Variants in TLN2 observed in about 807,000 individuals in gnomAD.
The protein encoded by TLN2 is talin 2.
In TLN2, 118 loss-of-function variants were observed where a neutral mutation model predicts 294.7. The ratio of observed to expected loss-of-function variants is 0.40; its 90% confidence interval spans 0.34 to 0.47. The LOEUF is 0.47. Among genes scored for constraint, TLN2 ranks in the 20% least tolerant of loss-of-function variants. The pLI, the probability that TLN2 is intolerant of heterozygous loss-of-function variation, is 0.84. For missense variants in TLN2, 3,083 were observed against 3,282.2 expected (o/e 0.94, Z 1.48); for synonymous variants, 1,431 against 1,304.5 (o/e 1.10, Z -2.09).
At chr15:62,513,237 G>C (rs1166751477) in intron 1 of TLN2, among the ~76,000 whole-genome samples, 1 of 152,096 alleles carries the variant, frequency 6.6e-6, no homozygotes, top group Non-Finnish European at 1.5e-5. Flanking sequence ...TGCTTTGCAG[G>C]CCCTTTGCTG....
rs1348441176 is a variant in TLN2 at position 62,841,933 on chromosome 15, A to AAAC, written c.*1324_*1326dup. The AAAC allele has an allele frequency of 6.6e-6, 1 of 151,696 alleles. No individual in the cohort carries two copies. Among genetic ancestry groups the AAAC allele is most frequent in the Non-Finnish European group, 1.5e-5 (1 of 68,036 alleles). The allele number at this position is 151,696 out of a possible 1,614,324, so 9.4% of individuals were successfully genotyped here. A position where few individuals can be genotyped will look rare whatever the true frequency, so the allele number is the denominator to read the frequency against. ...AGTTAATGGAAGTACATGATTTTCA[A>AAAC]AACTGGTAACAGTTAAAGGCACTCA... On this transcript the variant is annotated 3_prime_UTR_variant, in exon 59 of 59. Coordinates refer to ENST00000636159, the MANE Select transcript of TLN2 (RefSeq NM_015059.3).
chr15:62,753,766 T>G lies in TLN2; in HGVS notation c.4333-7T>G. The G allele has an allele frequency of 6.2e-7, 1 of 1,602,224 alleles. No homozygotes were observed. Among genetic ancestry groups the G allele is most frequent in the Non-Finnish European group, 8.5e-7 (1 of 1,174,534 alleles). ...CCTGAGCTGTGGTTTTTCTCTTCCCTTTCTAGGCTGCATACTTGGTTGGCA... is the reference window on the plus strand; with the variant it reads ...CCTGAGCTGTGGTTTTTCTCTTCCCGTTCTAGGCTGCATACTTGGTTGGCA... On this transcript the variant is annotated splice_polypyrimidine_tract_variant and splice_region_variant and intron_variant, in intron 35 of 58. Transcript: ENST00000636159.
intron 1 of TLN2, among the ~76,000 whole-genome samples, chr15:62,530,486 A>G (rs866230291): frequency 6.6e-6 from 1 of 152,080 alleles, no homozygotes; most frequent in African/African-American, 2.4e-5. Context: ...GCCTCCAAGT[A>G]GTTGGGATTA....
Position 62,766,354 on chromosome 15 carries a change from GA to G in TLN2, c.5131del (p.Ile1711SerfsTer23). 1.9e-6 allele frequency: 3 copies of G among 1,613,420 alleles called. No individual in the cohort carries two copies. Among genetic ancestry groups the G allele is most frequent in the Non-Finnish European group, 2.5e-6 (3 of 1,179,436 alleles). Reference sequence around the variant, plus strand: ...GGAGCAGCTGACTTCGGTGGTCCAGGAAATCGGACACCTTATCGATCCCATC... The same window carrying G: ...GGAGCAGCTGACTTCGGTGGTCCAGGAATCGGACACCTTATCGATCCCATC... ...LQEQLTSVVQ[E>X]IGHLIDPIAT... On this transcript the variant is annotated frameshift_variant, in exon 41 of 59. Coordinates refer to ENST00000636159, the MANE Select transcript of TLN2 (RefSeq NM_015059.3). LOFTEE classifies it high-confidence loss of function.
At chr15:62,832,255 T>G (rs1004995748) in intron 54 of TLN2, 4 of 152,170 alleles carry the variant, frequency 2.6e-5, no homozygotes, top group African/African-American at 9.7e-5. Flanking sequence ...ACACTTAAAA[T>G]TGGATAAAAG....
At chr15:62,683,664 G>C (rs902457801) in intron 11 of TLN2, among the ~76,000 whole-genome samples, 1 of 152,190 alleles carries the variant, frequency 6.6e-6, no homozygotes, top group Non-Finnish European at 1.5e-5. Flanking sequence ...CATCTTGAGA[G>C]AGAAGCTTCT....
chr15:62,541,379 T>G (rs117200751), intron 1 of TLN2, among the ~76,000 whole-genome samples: 3,689 of 152,336 alleles, frequency 0.024, 53 homozygotes, highest in Non-Finnish European at 0.028. Context: ...TTTCTTGCTC[T>G]CGACTTTCTT....
intron 28 of TLN2, 72 bp from the exon 29 acceptor site, chr15:62,736,805 GA>G (rs1356078043): frequency 2.0e-6 from 3 of 1,530,988 alleles, no homozygotes; most frequent in African/African-American, 1.4e-5. Context: ...CCCTGGTCCA[GA>G]AGCTTATTCC....
rs540859872 is a variant in TLN2, at chr15:62,575,885, A to G, written c.-237-13802A>G. 2.0e-5 allele frequency among the ~76,000 whole-genome samples: 3 copies of G among 152,342 alleles called. No homozygotes were observed. The East Asian group carries it at 5.8e-4, about 29-fold the overall frequency. On this transcript the variant is annotated intron_variant, in intron 1 of 58. Coordinates refer to ENST00000636159, the MANE Select transcript of TLN2 (RefSeq NM_015059.3). Reference sequence around the variant, plus strand: ...TCCCTGCCTTGCGGTAGAATCATGGATTTGAATATTTTCCCAACTGTGTAG... The same window carrying G: ...TCCCTGCCTTGCGGTAGAATCATGGGTTTGAATATTTTCCCAACTGTGTAG...
At chr15:62,575,403 A>G (rs1363853958) in intron 1 of TLN2, among the ~76,000 whole-genome samples, 2 of 152,238 alleles carry the variant, frequency 1.3e-5, no homozygotes, top group African/African-American at 4.8e-5. Flanking sequence ...AAAAAATAAA[A>G]TACAGGCACG....
At chr15:62,706,071 C>T (rs867387719) in intron 19 of TLN2, among the ~76,000 whole-genome samples, 33 of 152,170 alleles carry the variant, frequency 2.2e-4, no homozygotes, top group African/African-American at 7.2e-4. Context: ...GCTGTGGGTG[C>T]CCTTTACATT....
At chr15:62,678,292 AG>A (rs1280400827) in intron 11 of TLN2, among the ~76,000 whole-genome samples, 1 of 152,192 alleles carries the variant, frequency 6.6e-6, no homozygotes, top group Non-Finnish European at 1.5e-5. Flanking sequence ...AAAGTGGTAT[AG>A]CTAAAAAATT....
chr15:62,424,036 G>A (rs2034564972), intron 1 of TLN2, among the ~76,000 whole-genome samples: 1 of 152,068 alleles, frequency 6.6e-6, no homozygotes, highest in Non-Finnish European at 1.5e-5. Flanking sequence ...CTCTGCACAG[G>A]GATCTGAATC....
chr15:62,833,232 G>T, intron 54 of TLN2: 2 of 388,080 alleles, frequency 5.2e-6, no homozygotes, highest in Admixed American at 4.1e-5. Context: ...GCTGTGCCTG[G>T]CCATTGTCTC....
intron 3 of TLN2, among the ~76,000 whole-genome samples, chr15:62,631,347 G>A (rs1489302989): frequency 6.6e-6 from 1 of 152,066 alleles, no homozygotes; most frequent in Non-Finnish European, 1.5e-5. Context: ...CTTGCTCAGT[G>A]GATTCCTAAG....
intron 36 of TLN2, 104 bp downstream of exon 36, chr15:62,754,020 C>T (rs760976542): frequency 1.5e-6 from 2 of 1,350,844 alleles, no homozygotes; most frequent in Non-Finnish European, 1.9e-6. Flanking sequence ...TCTTTCAGAG[C>T]TTGCAAAGGT....
At chr15:62,607,797 G>C (rs1376341291) in intron 2 of TLN2, among the ~76,000 whole-genome samples, 4 of 152,070 alleles carry the variant, frequency 2.6e-5, no homozygotes, top group Non-Finnish European at 5.9e-5. Context: ...CTCTCTTTCT[G>C]AGTTCACCAT....
chr15:62,664,857 CAA>C (rs10634187), intron 9 of TLN2, among the ~76,000 whole-genome samples: 387 of 29,230 alleles, frequency 0.013, 12 homozygotes, highest in African/African-American at 0.048. Context: ...GAAACTGTCT[CAA>C]AAAAAAAAAA....
intron 54 of TLN2, among the ~76,000 whole-genome samples, chr15:62,822,867 G>A (rs1269591799): frequency 6.6e-6 from 1 of 152,180 alleles, no homozygotes; most frequent in South Asian, 2.1e-4. Flanking sequence ...AGTAGGGAAT[G>A]TACAAGAATG....
Sources: gnomAD v4.1 joint callset for allele counts (sites outside exome capture counted in the v4.1 genomes callset) on GRCh38, gnomAD v4.1.1 for gene constraint, MANE v1.5 for transcripts, NCBI Gene and HGNC (gene_info 2026-07-23, HGNC 2026-07-21) for gene names.